The following CD300LF variants were observed in gnomAD, a reference collection of about 807,000 sequenced individuals.
The protein encoded by CD300LF is CD300 molecule like family member f.
A neutral mutation model predicts 32.2 loss-of-function variants in CD300LF; 27 were observed. The observed-to-expected ratio is 0.84, with a 90% confidence interval of 0.62 to 1.15. CD300LF has a LOEUF of 1.15. CD300LF is among the 50% of genes most tolerant of loss of function. The probability of loss-of-function intolerance (pLI) is 0.00; values close to 1 mark genes in which losing one functional copy is unlikely to be tolerated. For missense variants in CD300LF, 348 were observed against 356.8 expected (o/e 0.98, Z 0.20); for synonymous variants, 139 against 143.2 (o/e 0.97, Z 0.21).
At chr17:74,698,678 T>C (rs2143631947) in intron 3 of CD300LF, 197 bp from the exon 4 acceptor site, 1 of 1,376,330 alleles carries the variant, frequency 7.3e-7, no homozygotes, top group Non-Finnish European at 9.6e-7. Context: ...AAGAAGGGAA[T>C]GGAACAAGAG....
intron 3 of CD300LF, among the ~76,000 whole-genome samples, chr17:74,700,398 C>T (rs1343474806): frequency 6.6e-6 from 1 of 152,044 alleles, no homozygotes. Context: ...GAACATGCTC[C>T]CTCCAGAGCT....
intron 1 of CD300LF, among the ~76,000 whole-genome samples, chr17:74,705,751 C>G (rs192328718): frequency 3.9e-5 from 6 of 152,014 alleles, no homozygotes; most frequent in Non-Finnish European, 8.8e-5. Context: ...CATGCCTCCA[C>G]GCCTGGCTAA....
chr17:74,703,198 C>T (rs945515303), intron 2 of CD300LF, 100 bp from the exon 3 acceptor site: 10 of 1,419,816 alleles, frequency 7.0e-6, no homozygotes, highest in African/African-American at 2.8e-5. Context: ...GCCCATGAGC[C>T]CACCCGCAGC....
At chr17:74,698,541 T>C (rs375952934) in intron 3 of CD300LF, 60 bp from the exon 4 acceptor site, 12 of 1,011,212 alleles carry the variant, frequency 1.2e-5, no homozygotes, top group Middle Eastern at 2.2e-4. Flanking sequence ...CTCAGCCCAA[T>C]CCCACCCACC....
chr17:74,708,524 A>G (rs1317049666), intron 1 of CD300LF, among the ~76,000 whole-genome samples: 1 of 152,242 alleles, frequency 6.6e-6, no homozygotes, highest in Non-Finnish European at 1.5e-5. Context: ...CCTGAAACAA[A>G]AGATCAGCAT....
Position 74,712,891 on chromosome 17 carries a change from C to T in CD300LF, c.-25G>A. ...TCTTCTCTTCAGACAGGTCCCCGTT[C>T]CCCTCAGTGGAGCCTGGCAGCAGGA... On this transcript the variant is annotated 5_prime_UTR_variant, in exon 1 of 7. Coordinates refer to ENST00000326165, the MANE Select transcript of CD300LF (RefSeq NM_139018.5). The T allele has an allele frequency of 6.2e-7, 1 of 1,613,198 alleles. No individual in the cohort carries two copies.
intron 1 of CD300LF, among the ~76,000 whole-genome samples, chr17:74,708,792 T>G (rs2033726864): frequency 6.6e-6 from 1 of 151,556 alleles, no homozygotes; most frequent in Non-Finnish European, 1.5e-5. Flanking sequence ...GGCGGGCGCC[T>G]GTAGTCCCAG....
chr17:74,702,375 C>T (rs1175476209), intron 3 of CD300LF, among the ~76,000 whole-genome samples: 2 of 152,182 alleles, frequency 1.3e-5, no homozygotes, highest in African/African-American at 4.8e-5. Flanking sequence ...GGGACTGAGG[C>T]TCAGTTTCTT....
chr17:74,711,724 C>T (rs527326971), intron 1 of CD300LF, among the ~76,000 whole-genome samples: 1 of 152,208 alleles, frequency 6.6e-6, no homozygotes, highest in East Asian at 1.9e-4. Flanking sequence ...GGTCTCGGCT[C>T]GGACAGGCAT....
chr17:74,699,466 T>C (rs2032837527), intron 3 of CD300LF, among the ~76,000 whole-genome samples: 1 of 152,120 alleles, frequency 6.6e-6, no homozygotes, highest in Non-Finnish European at 1.5e-5. Flanking sequence ...TGGGCCCTGA[T>C]CCAGCGACTG....
At chr17:74,709,335 C>T (rs575517604) in intron 1 of CD300LF, among the ~76,000 whole-genome samples, 3 of 152,146 alleles carry the variant, frequency 2.0e-5, no homozygotes, top group South Asian at 4.1e-4. Context: ...TAGGAATCAA[C>T]GCTCATTCAT....
In CD300LF at chr17:74,695,715, G is replaced by C. The variant is rs201453080; in HGVS notation, c.717+10C>G. 13 of 1,614,090 alleles carry C rather than the reference G, an allele frequency of 8.1e-6. No homozygotes were observed. Among genetic ancestry groups the C allele is most frequent in the Non-Finnish European group, 1.1e-5 (13 of 1,180,014 alleles). ...CCCCAGCCTCACAGCAGCCCCCATGGAGGACGCACCATGGTGACATATTCC... is the reference window on the plus strand; with the variant it reads ...CCCCAGCCTCACAGCAGCCCCCATGCAGGACGCACCATGGTGACATATTCC... On this transcript the variant is annotated intron_variant, in intron 6 of 6. Coordinates refer to ENST00000326165, the MANE Select transcript of CD300LF (RefSeq NM_139018.5).
At chr17:74,701,117 T>C (rs1254494065) in intron 3 of CD300LF, among the ~76,000 whole-genome samples, 4 of 152,238 alleles carry the variant, frequency 2.6e-5, no homozygotes, top group Admixed American at 2.6e-4. Context: ...ATTTTTGTGA[T>C]TTAAGCCCCC....
At chr17:74,707,241 A>G (rs1224504796) in intron 1 of CD300LF, among the ~76,000 whole-genome samples, 1 of 152,228 alleles carries the variant, frequency 6.6e-6, no homozygotes, top group Non-Finnish European at 1.5e-5. Flanking sequence ...TAAATCTGAC[A>G]AAGAGCTGAT....
At chr17:74,696,010 C>T in intron 5 of CD300LF, 151 bp from the exon 6 acceptor site, 1 of 1,253,360 alleles carries the variant, frequency 8.0e-7, no homozygotes, top group South Asian at 1.4e-5. Context: ...GGCTCCTGTA[C>T]CCCTCAGCCC....
chr17:74,697,713 A>G (rs754413041), intron 4 of CD300LF, among the ~76,000 whole-genome samples: 1 of 152,196 alleles, frequency 6.6e-6, no homozygotes, highest in Non-Finnish European at 1.5e-5. Flanking sequence ...CTGTGAGTGT[A>G]GACTCCTGCG....
chr17:74,703,973 A>T (rs1260009701), intron 2 of CD300LF, among the ~76,000 whole-genome samples: 1 of 152,252 alleles, frequency 6.6e-6, no homozygotes, highest in East Asian at 1.9e-4. Context: ...TTGACTGTGA[A>T]GACCTTTCTG....
intron 1 of CD300LF, among the ~76,000 whole-genome samples, chr17:74,711,005 C>A (rs781269116): frequency 6.6e-6 from 1 of 152,156 alleles, no homozygotes; most frequent in Non-Finnish European, 1.5e-5. Flanking sequence ...TGCCACCACA[C>A]TCCAGCCTAG....
intron 6 of CD300LF, 100 bp from the exon 7 acceptor site, chr17:74,695,351 G>A (rs2032338152): frequency 2.8e-6 from 4 of 1,430,532 alleles, no homozygotes; most frequent in Non-Finnish European, 2.9e-6. Context: ...GGACCATTCA[G>A]GGCTTCTAAT....
Sources: allele counts gnomAD v4.1 joint callset (sites outside exome capture counted in the v4.1 genomes callset), GRCh38; gene constraint gnomAD v4.1.1; transcripts MANE v1.5; gene names NCBI Gene and HGNC (gene_info 2026-07-23, HGNC 2026-07-21).